RBPMS: variants seen among roughly 807,000 people sequenced by gnomAD.
RBPMS encodes RNA binding protein, mRNA processing factor.
In RBPMS, 7 loss-of-function variants were observed where a neutral mutation model predicts 26.8. That is an observed-to-expected ratio of 0.26 (90% CI 0.15 to 0.49). RBPMS has a LOEUF of 0.49. Ranked by LOEUF, RBPMS falls within the 20% of genes least tolerant of loss-of-function variation. The pLI is 0.98. For missense variants in RBPMS, 186 were observed against 250.0 expected (o/e 0.74, Z 1.73); for synonymous variants, 96 against 93.3 (o/e 1.03, Z -0.17).
intron 5 of RBPMS, among the ~76,000 whole-genome samples, chr8:30,513,100 A>G (rs983219423): frequency 6.6e-6 from 1 of 151,022 alleles, no homozygotes; most frequent in African/African-American, 2.4e-5. Context: ...GAGGGATAGG[A>G]GTCTCAGTGT....
At chr8:30,465,958 T>C (rs895777013) in intron 1 of RBPMS, among the ~76,000 whole-genome samples, 2 of 152,212 alleles carry the variant, frequency 1.3e-5, no homozygotes, top group Admixed American at 6.5e-5. Context: ...AGTGCTCAGG[T>C]CCTGCCTTAT....
At chr8:30,554,761 G>A (rs1826708933) in intron 6 of RBPMS, among the ~76,000 whole-genome samples, 1 of 152,116 alleles carries the variant, frequency 6.6e-6, no homozygotes, top group Non-Finnish European at 1.5e-5. Context: ...TCATTCCCCA[G>A]AGAAGAAAAC....
chr8:30,503,465 C>A (rs1259491312), intron 4 of RBPMS, among the ~76,000 whole-genome samples: 1 of 151,256 alleles, frequency 6.6e-6, no homozygotes, highest in Non-Finnish European at 1.5e-5. Context: ...CACCATGTTG[C>A]CCAGGCTGGT....
At chr8:30,392,188 A>G (rs1807864064) in intron 1 of RBPMS, among the ~76,000 whole-genome samples, 1 of 152,240 alleles carries the variant, frequency 6.6e-6, no homozygotes, top group African/African-American at 2.4e-5. Context: ...CAAGGAAGGG[A>G]TGGAGCTGTG....
chr8:30,529,831 G>A lies in RBPMS; in HGVS notation c.398-14663G>A, dbSNP rs149700503. On this transcript the variant is annotated intron_variant, in intron 5 of 8. Coordinates refer to ENST00000397323, the MANE Select transcript of RBPMS (RefSeq NM_001008710.3). ...TGCAATGGCATGATCTCGGCTCACC[G>A]CATCCTTTGCTTTCCAGGTTCAAGC... Among the ~76,000 whole-genome samples the A allele has an allele frequency of 2.9e-3, 440 of 149,738 alleles. 3 individuals carry two copies. Among genetic ancestry groups the A allele is most frequent in the African/African-American group, 0.01 (425 of 40,564 alleles).
At chr8:30,548,387 C>G (rs140562714) in intron 6 of RBPMS, among the ~76,000 whole-genome samples, 2 of 152,186 alleles carry the variant, frequency 1.3e-5, no homozygotes, top group Non-Finnish European at 2.9e-5. Flanking sequence ...CCCTGTACTT[C>G]AGGCAGAGTC....
intron 1 of RBPMS, among the ~76,000 whole-genome samples, chr8:30,388,787 G>A: frequency 6.6e-6 from 1 of 151,850 alleles, no homozygotes; most frequent in Non-Finnish European, 1.5e-5. Flanking sequence ...TCTTTAAAAG[G>A]CCTTTTATTA....
At chr8:30,412,199 C>G (rs1809528427) in intron 1 of RBPMS, among the ~76,000 whole-genome samples, 1 of 152,170 alleles carries the variant, frequency 6.6e-6, no homozygotes, top group Non-Finnish European at 1.5e-5. Flanking sequence ...TCTTTTGGAA[C>G]TGATAGTAGC....
chr8:30,473,040 A>G (rs958644565), intron 1 of RBPMS, among the ~76,000 whole-genome samples: 11 of 152,232 alleles, frequency 7.2e-5, no homozygotes, highest in African/African-American at 2.7e-4. Context: ...CGAATTTTCA[A>G]TCATGTTGCA....
At chr8:30,533,012 T>G (rs529645062) in intron 5 of RBPMS, among the ~76,000 whole-genome samples, 22 of 152,242 alleles carry the variant, frequency 1.4e-4, no homozygotes, top group Admixed American at 7.2e-4. Flanking sequence ...TCAGTGTTTG[T>G]TGAAGACAAA....
intron 1 of RBPMS, among the ~76,000 whole-genome samples, chr8:30,450,136 G>C (rs1002858492): frequency 6.6e-6 from 1 of 152,132 alleles, no homozygotes; most frequent in Admixed American, 6.5e-5. Context: ...TTAAAGTGAG[G>C]GTATGGGAGA....
intron 4 of RBPMS, among the ~76,000 whole-genome samples, chr8:30,481,758 A>T (rs1393732231): frequency 6.6e-6 from 1 of 152,134 alleles, no homozygotes; most frequent in Non-Finnish European, 1.5e-5. Context: ...CTTACATAAG[A>T]GTGTAGGACA....
At chr8:30,391,900 A>G (rs1807832571) in intron 1 of RBPMS, among the ~76,000 whole-genome samples, 1 of 152,066 alleles carries the variant, frequency 6.6e-6, no homozygotes, top group Admixed American at 6.6e-5. Context: ...TATTCATTAA[A>G]TAATTATCTC....
intron 1 of RBPMS, among the ~76,000 whole-genome samples, chr8:30,443,973 T>C (rs1168655008): frequency 2.0e-5 from 3 of 151,738 alleles, no homozygotes; most frequent in Non-Finnish European, 4.4e-5. Flanking sequence ...GTTAGCTCAC[T>C]GCAATCTCCA....
At chr8:30,466,814 C>G (rs1460411188) in intron 1 of RBPMS, among the ~76,000 whole-genome samples, 1 of 151,888 alleles carries the variant, frequency 6.6e-6, no homozygotes, top group African/African-American at 2.4e-5. Context: ...GGCTGGTCTC[C>G]CATTTCCTGA....
chr8:30,436,420 G>A (rs867077941), intron 1 of RBPMS, among the ~76,000 whole-genome samples: 4 of 152,234 alleles, frequency 2.6e-5, no homozygotes, highest in Middle Eastern at 3.4e-3. Flanking sequence ...TTTCTCTTGA[G>A]CCTTGCTTTT....
rs993008493 is a variant in RBPMS at position 30,385,216 on chromosome 8, GCGGGGCGCGGGCC to G, written c.66+69_66+81del. The stretch of plus-strand genomic sequence containing the variant: ...ACGCGGGACCCAGTGCGGGCGGCCG[GCGGGGCGCGGGCC>G]CGGGGCGCGGCGGTGGAAGAAGGTT... On this transcript the variant is annotated intron_variant, in intron 1 of 8. Coordinates refer to ENST00000397323, the MANE Select transcript of RBPMS (RefSeq NM_001008710.3). 65 of 1,264,122 alleles carry G rather than the reference GCGGGGCGCGGGCC, an allele frequency of 5.1e-5. 1 individual carries two copies. The Middle Eastern group carries it at 6.2e-4, about 12-fold the overall frequency. 78.3% of individuals were successfully genotyped at this position (1,264,122 alleles called of 1,614,324 possible).
intron 1 of RBPMS, among the ~76,000 whole-genome samples, chr8:30,459,538 C>T (rs1815655564): frequency 6.6e-6 from 1 of 152,134 alleles, no homozygotes; most frequent in African/African-American, 2.4e-5. Flanking sequence ...TAGGTCTTCC[C>T]ACCTGGTGTT....
At chr8:30,472,735 T>C (rs917319305) in intron 1 of RBPMS, among the ~76,000 whole-genome samples, 2 of 152,218 alleles carry the variant, frequency 1.3e-5, no homozygotes, top group Non-Finnish European at 2.9e-5. Context: ...AGGGCCTTGC[T>C]TGGTGATTCG....
Sources: gnomAD v4.1 joint callset for allele counts (sites outside exome capture counted in the v4.1 genomes callset) on GRCh38, gnomAD v4.1.1 for gene constraint, MANE v1.5 for transcripts, NCBI Gene and HGNC (gene_info 2026-07-23, HGNC 2026-07-21) for gene names.